Variants in UNC5C observed in about 807,000 individuals in gnomAD.
UNC5C encodes the protein netrin receptor UNC5C.
In UNC5C, 47 loss-of-function variants were observed where a neutral mutation model predicts 99.8. The observed-to-expected ratio is 0.47, with a 90% CI of 0.37 to 0.60. The LOEUF (loss-of-function observed/expected upper bound fraction) is 0.60, where lower values mean the gene tolerates loss of function less well. Ranked by LOEUF, UNC5C falls within the 20% of genes least tolerant of loss-of-function variation. The probability of loss-of-function intolerance (pLI) is 0.00; values close to 1 mark genes in which losing one functional copy is unlikely to be tolerated. For synonymous variants in UNC5C, 487 were observed against 452.2 expected (o/e 1.08, Z -0.98); for missense variants, 1,062 against 1,165.9 (o/e 0.91, Z 1.30).
intron 1 of UNC5C, among the ~76,000 whole-genome samples, chr4:95,366,308 A>C (rs989348389): frequency 3.3e-5 from 5 of 152,180 alleles, no homozygotes; most frequent in Non-Finnish European, 7.3e-5. Context: ...CAAAAATAAA[A>C]TAAAGTAAAT....
chr4:95,535,395 G>T (rs1043496878), intron 1 of UNC5C, among the ~76,000 whole-genome samples: 20 of 152,188 alleles, frequency 1.3e-4, no homozygotes, highest in Middle Eastern at 3.4e-3. Flanking sequence ...TATTTTCATA[G>T]TAACGTCAAG....
chr4:95,373,920 T>C (rs1744817364), intron 1 of UNC5C, among the ~76,000 whole-genome samples: 1 of 152,210 alleles, frequency 6.6e-6, no homozygotes. Flanking sequence ...CAATCTCTAA[T>C]GGAATCACTA....
In UNC5C at chr4:95,185,196, C is replaced by A; in HGVS notation, c.2137G>T (p.Glu713Ter). The A allele has an allele frequency of 6.2e-7, 1 of 1,605,276 alleles. No homozygotes were observed. The highest frequency in any genetic ancestry group is 8.5e-7 in the Non-Finnish European group (1 of 1,177,218). The part of the protein sequence containing the change: ...CLDDTQDALK[E>*]ILHLERQMGG... ...ATCTGTCTCTCAAGATGTAAAATTT[C>A]CTATAATGACATGCCCCAAACCCAA... The change falls in exon 13 of 16, where the codon GAA becomes TAA. Residue 713 changes from glutamate (E) to a stop codon, truncating the protein, a stop_gained and splice_region_variant. Coordinates refer to ENST00000453304, the MANE Select transcript of UNC5C (RefSeq NM_003728.4). LOFTEE classifies it high-confidence loss of function.
chr4:95,395,561 T>C (rs558169538), intron 1 of UNC5C, among the ~76,000 whole-genome samples: 1 of 152,228 alleles, frequency 6.6e-6, no homozygotes, highest in East Asian at 1.9e-4. Context: ...ATATCAAAGT[T>C]AAAAAGTCCT....
chr4:95,241,471 T>A (rs939249275), intron 7 of UNC5C, among the ~76,000 whole-genome samples: 5 of 152,212 alleles, frequency 3.3e-5, no homozygotes, highest in Non-Finnish European at 1.5e-5. Context: ...AAAAACAAAA[T>A]ATTTTATTCT....
intron 14 of UNC5C, 150 bp downstream of exon 14, chr4:95,182,747 A>T: frequency 1.3e-6 from 1 of 780,650 alleles, no homozygotes; most frequent in Non-Finnish European, 1.8e-6. Flanking sequence ...ATTGCTCATT[A>T]CAAATATTAT....
chr4:95,439,748 A>G (rs1029310170), intron 1 of UNC5C, among the ~76,000 whole-genome samples: 4 of 152,166 alleles, frequency 2.6e-5, no homozygotes, highest in African/African-American at 9.6e-5. Flanking sequence ...ATTTGCTTAG[A>G]ACAATGAATA....
At chr4:95,429,946 T>C (rs554769335) in intron 1 of UNC5C, among the ~76,000 whole-genome samples, 14 of 152,192 alleles carry the variant, frequency 9.2e-5, no homozygotes, top group African/African-American at 3.1e-4. Context: ...TATATGTCAT[T>C]CTAGAAAAGG....
chr4:95,250,075 C>G (rs1372167305), intron 5 of UNC5C, among the ~76,000 whole-genome samples: 1 of 152,110 alleles, frequency 6.6e-6, no homozygotes, highest in African/African-American at 2.4e-5. Flanking sequence ...GCAGCAGGCA[C>G]TCAGGTAGGC....
intron 1 of UNC5C, among the ~76,000 whole-genome samples, chr4:95,536,796 T>C (rs565532825): frequency 1.5e-3 from 233 of 152,334 alleles, no homozygotes; most frequent in African/African-American, 5.3e-3. Context: ...TTATTAATGT[T>C]TGAGTTATAT....
intron 1 of UNC5C, among the ~76,000 whole-genome samples, chr4:95,387,429 C>G (rs1579376070): frequency 6.6e-6 from 1 of 152,170 alleles, no homozygotes; most frequent in Non-Finnish European, 1.5e-5. Context: ...CGTGAGCCAC[C>G]TCAGCTGACT....
Position 95,507,353 on chromosome 4 carries a change from T to C in UNC5C, c.124+41381A>G, listed in dbSNP as rs17450358. Among the ~76,000 whole-genome samples the C allele has an allele frequency of 3.6e-3, 549 of 152,154 alleles. 3 individuals carry two copies. Among genetic ancestry groups the C allele is most frequent in the Non-Finnish European group, 6.5e-3 (443 of 67,968 alleles). Reference sequence around the variant, plus strand: ...GCTAACTCTGGAATGACTCACTGAATTCTTTTTAACAACATCTAAACAGTC... The same window carrying C: ...GCTAACTCTGGAATGACTCACTGAACTCTTTTTAACAACATCTAAACAGTC... On this transcript the variant is annotated intron_variant, in intron 1 of 15. Transcript: ENST00000453304.
chr4:95,435,066 A>G (rs917389453), intron 1 of UNC5C, among the ~76,000 whole-genome samples: 1 of 152,082 alleles, frequency 6.6e-6, no homozygotes, highest in African/African-American at 2.4e-5. Flanking sequence ...ATACAGTGCC[A>G]TGGTTGCTTG....
rs376747559 is a variant in UNC5C at position 95,275,440 on chromosome 4, A to G, written c.594+2819T>C. ...TTAAACCTCACAACCACATTCTGCA[A>G]AGACACTATTATTATCTCCCCTTTA... On this transcript the variant is annotated intron_variant, in intron 4 of 15. Coordinates refer to ENST00000453304, the MANE Select transcript of UNC5C (RefSeq NM_003728.4). 3.3e-4 allele frequency among the ~76,000 whole-genome samples: 50 copies of G among 152,330 alleles called. No homozygotes were observed. The East Asian group carries it at 9.3e-3, about 28-fold the overall frequency.
chr4:95,339,481 G>GA (rs1209897952), intron 1 of UNC5C, among the ~76,000 whole-genome samples: 3 of 102,318 alleles, frequency 2.9e-5, no homozygotes, highest in Admixed American at 1.0e-4. Context: ...AAAACAAAAT[G>GA]AAAAAAACAG....
chr4:95,429,296 AAC>A (rs1491048161), intron 1 of UNC5C, among the ~76,000 whole-genome samples: 226 of 144,062 alleles, frequency 1.6e-3, no homozygotes, highest in African/African-American at 5.2e-3. Context: ...AAAAAAAAAA[AAC>A]AAACAAAAAA....
At chr4:95,244,513 T>C (rs566334527) in intron 6 of UNC5C, among the ~76,000 whole-genome samples, 32 of 152,330 alleles carry the variant, frequency 2.1e-4, no homozygotes, top group Non-Finnish European at 4.0e-4. Context: ...TTCCTTATAA[T>C]TCATTTCAAA....
rs935617997 is a variant in UNC5C at position 95,335,337 on chromosome 4, A to G, written c.346+73T>C. ...ATTTTCCATTCCACTAATTGAAATA[A>G]CAGTATGTCCACATGCTAGAGTAGT... On this transcript the variant is annotated intron_variant, in intron 2 of 15. Coordinates refer to ENST00000453304, the MANE Select transcript of UNC5C (RefSeq NM_003728.4). The G allele has an allele frequency of 6.8e-6, 9 of 1,318,918 alleles. No individual in the cohort carries two copies. In the East Asian group the frequency reaches 2.1e-4, roughly 31 times the overall value. 81.7% of individuals were successfully genotyped at this position (1,318,918 alleles called of 1,614,324 possible).
chr4:95,546,198 G>T (rs181250987), intron 1 of UNC5C, among the ~76,000 whole-genome samples: 490 of 152,224 alleles, frequency 3.2e-3, no homozygotes, highest in Non-Finnish European at 5.7e-3. Context: ...AGTTCATTTG[G>T]ATCTTTAAGT....
Sources: gnomAD v4.1 joint callset for allele counts (sites outside exome capture counted in the v4.1 genomes callset) on GRCh38, gnomAD v4.1.1 for gene constraint, MANE v1.5 for transcripts, NCBI Gene and HGNC (gene_info 2026-07-23, HGNC 2026-07-21) for gene names.